CCNY: variants seen among roughly 807,000 people sequenced by gnomAD.
CCNY encodes the protein cyclin-Y.
In CCNY, 19 loss-of-function variants were observed where a neutral mutation model predicts 42.8. The observed-to-expected ratio is 0.44, with a 90% CI of 0.31 to 0.65. The LOEUF is 0.65. Ranked by LOEUF, CCNY falls within the 30% of genes least tolerant of loss-of-function variation. The probability of loss-of-function intolerance (pLI) is 0.07; values close to 1 mark genes in which losing one functional copy is unlikely to be tolerated. For missense variants in CCNY, 370 were observed against 437.3 expected, an observed-to-expected ratio of 0.85 and a Z score of 1.37; for synonymous variants, 165 against 162.7, an observed-to-expected ratio of 1.01 and a Z score of -0.11.
chr10:35,513,509 C>T (rs111925813), intron 3 of CCNY, among the ~76,000 whole-genome samples: 4,810 of 152,258 alleles, frequency 0.032, 237 homozygotes, highest in African/African-American at 0.11. Flanking sequence ...ACCTGTTTAA[C>T]GCAGTTTCTA....
intron 1 of CCNY, among the ~76,000 whole-genome samples, chr10:35,422,021 G>T (rs1330679949): frequency 1.3e-5 from 2 of 152,058 alleles, no homozygotes; most frequent in Non-Finnish European, 1.5e-5. Flanking sequence ...GAGGAGTCAG[G>T]GTTGAAGTCA....
intron 3 of CCNY, among the ~76,000 whole-genome samples, chr10:35,514,773 AT>A (rs1184557679): frequency 6.6e-6 from 1 of 152,248 alleles, no homozygotes; most frequent in Admixed American, 6.5e-5. Flanking sequence ...TTCTAAAGTT[AT>A]CCCATATCTC....
chr10:35,567,405 T>G (rs944830964), intron 9 of CCNY, among the ~76,000 whole-genome samples: 1 of 152,238 alleles, frequency 6.6e-6, no homozygotes, highest in Admixed American at 6.5e-5. Context: ...GGGTGGTAAT[T>G]AAGCAGGATC....
chr10:35,262,637 C>T (rs1260026807), intron 3 of CCNY, among the ~76,000 whole-genome samples: 1 of 152,088 alleles, frequency 6.6e-6, no homozygotes. Context: ...GCTAGGATTA[C>T]AGGGGTGAGT....
In CCNY at chr10:35,405,840, G is replaced by T. The variant is rs550435865; in HGVS notation, c.154+68633G>T. Among the ~76,000 whole-genome samples the T allele has an allele frequency of 2.0e-5, 3 of 152,358 alleles. No homozygotes were observed. In the South Asian group the frequency reaches 6.2e-4, roughly 32 times the overall value. On this transcript the variant is annotated intron_variant, in intron 1 of 9. Transcript: ENST00000374704. ...ATCAGAGCCTTGGGCCAGTTGGACA[G>T]TCCAGTTTCCAGTGGGGTCCTGCAC...
chr10:35,464,560 A>G (rs1370562829), intron 1 of CCNY, among the ~76,000 whole-genome samples: 4 of 149,132 alleles, frequency 2.7e-5, no homozygotes, highest in Non-Finnish European at 4.4e-5. Context: ...AATGCCCAGT[A>G]TGCTTTTTTT....
chr10:35,568,757 A>T (rs1463110208), intron 9 of CCNY, among the ~76,000 whole-genome samples: 1 of 152,152 alleles, frequency 6.6e-6, no homozygotes, highest in Non-Finnish European at 1.5e-5. Context: ...CCCGTCCCAC[A>T]CCCCTAGATG....
intron 3 of CCNY, among the ~76,000 whole-genome samples, chr10:35,286,779 T>C (rs7098250): frequency 0.42 from 63,968 of 151,134 alleles, 14,375 homozygotes; most frequent in African/African-American, 0.57. Flanking sequence ...CTCATCTCAG[T>C]CTCCTAAGTC....
At position 35,571,970 on chromosome 10, in the gene CCNY, T is replaced by A. The variant is rs919575938; in HGVS notation, c.*2800T>A. ...ATTTGTTTTACTTTTCTTATTTTTTTTTTTTTAACTAGAAAAAGGGAAAGA... is the reference window on the plus strand; with the variant it reads ...ATTTGTTTTACTTTTCTTATTTTTTATTTTTTAACTAGAAAAAGGGAAAGA... On this transcript the variant is annotated 3_prime_UTR_variant, in exon 10 of 10. Transcript: ENST00000374704. 3.9e-5 allele frequency: 6 copies of A among 152,104 alleles called. No individual in the cohort carries two copies. Among genetic ancestry groups the A allele is most frequent in the African/African-American group, 1.4e-4 (6 of 41,448 alleles). The allele number at this position is 152,104 out of a possible 1,614,324, so 9.4% of individuals were successfully genotyped here.
At chr10:35,346,394 TA>T (rs1340433627) in intron 1 of CCNY, among the ~76,000 whole-genome samples, 2 of 152,196 alleles carry the variant, frequency 1.3e-5, no homozygotes, top group Admixed American at 1.3e-4. Flanking sequence ...AAGGGTGTGC[TA>T]AAGCTAAAAT....
intron 7 of CCNY, among the ~76,000 whole-genome samples, chr10:35,536,636 G>T (rs1840892575): frequency 6.6e-6 from 1 of 152,272 alleles, no homozygotes; most frequent in Middle Eastern, 3.4e-3. Flanking sequence ...TTGGGAACTG[G>T]AGCAAAGGTG....
At chr10:35,452,221 G>A (rs529168502) in intron 1 of CCNY, among the ~76,000 whole-genome samples, 15 of 152,176 alleles carry the variant, frequency 9.9e-5, no homozygotes, top group African/African-American at 3.6e-4. Flanking sequence ...TCTTCAGACA[G>A]TAGTTTATAC....
At chr10:35,325,006 C>T (rs1276820928) in intron 3 of CCNY, among the ~76,000 whole-genome samples, 1 of 152,112 alleles carries the variant, frequency 6.6e-6, no homozygotes, top group Non-Finnish European at 1.5e-5. Context: ...TTTTAAGTGT[C>T]AACATACTAT....
chr10:35,551,698 T>C (rs1351664380), intron 7 of CCNY, among the ~76,000 whole-genome samples: 2 of 152,232 alleles, frequency 1.3e-5, no homozygotes, highest in East Asian at 3.8e-4. Flanking sequence ...ATGGGCTTTG[T>C]AGATATTTCT....
At chr10:35,513,994 C>T (rs151156506) in intron 3 of CCNY, among the ~76,000 whole-genome samples, 80 of 147,396 alleles carry the variant, frequency 5.4e-4, no homozygotes, top group African/African-American at 1.9e-3. Flanking sequence ...TTCCAGAGGC[C>T]GAGCATCAGT....
intron 1 of CCNY, among the ~76,000 whole-genome samples, chr10:35,406,590 T>G (rs1837778807): frequency 6.6e-6 from 1 of 152,328 alleles, no homozygotes; most frequent in African/African-American, 2.4e-5. Flanking sequence ...AGAACTTTTC[T>G]TAGTACAGAA....
In CCNY at chr10:35,337,207, G is replaced by C; in HGVS notation, c.154G>C (p.Asp52His). 3 of 1,538,624 alleles carry C rather than the reference G, an allele frequency of 1.9e-6. No individual in the cohort carries two copies. Among genetic ancestry groups the C allele is most frequent in the Non-Finnish European group, 2.6e-6 (3 of 1,141,900 alleles). Residue 52 changes from aspartate (D) to histidine (H), a missense_variant and splice_region_variant, in exon 1 of 10, where the codon GAT becomes CAT. By Grantham distance (81) the Asp-to-His change is moderately conservative. Around this residue, in one of 2 missense-constraint regions of CCNY, gnomAD observed 136 missense variants for 124.2 expected, o/e 1.09. Coordinates refer to ENST00000374704, the MANE Select transcript of CCNY (RefSeq NM_145012.6). Reference sequence around the variant, plus strand: ...CATCAGCGACCGGGAGAACATAGACGGTGAGTGCGGCCCGCCGAGCCCCCT... The same window carrying C: ...CATCAGCGACCGGGAGAACATAGACCGTGAGTGCGGCCCGCCGAGCCCCCT... The part of the protein sequence containing the change: ...QHISDRENID[D>H]LNMEFNPSDH...
intron 1 of CCNY, among the ~76,000 whole-genome samples, chr10:35,405,063 C>T (rs764718537): frequency 1.3e-5 from 2 of 152,086 alleles, no homozygotes; most frequent in African/African-American, 4.8e-5. Flanking sequence ...ATGACTTTGG[C>T]ACCACTGGGT....
At chr10:35,323,417 G>A (rs1002814529) in intron 3 of CCNY, among the ~76,000 whole-genome samples, 5 of 152,294 alleles carry the variant, frequency 3.3e-5, no homozygotes, top group African/African-American at 1.2e-4. Flanking sequence ...TAAACAAATT[G>A]TGGTATATAC....
Sources: gnomAD v4.1 joint callset for allele counts (sites outside exome capture counted in the v4.1 genomes callset) on GRCh38, gnomAD v4.1.1 for gene constraint, gnomAD v4.1.1 regional missense constraint, MANE v1.5 for transcripts, NCBI Gene and HGNC (gene_info 2026-07-23, HGNC 2026-07-21) for gene names.